ZNF750: variants seen among roughly 807,000 people sequenced by gnomAD.
ZNF750 encodes the protein protein ZNF750.
A neutral mutation model predicts 31.6 loss-of-function variants in ZNF750; 10 were observed. The ratio of observed to expected loss-of-function variants is 0.32; its 90% confidence interval spans 0.19 to 0.54. The LOEUF is 0.54. Among genes scored for constraint, ZNF750 ranks in the 20% least tolerant of loss-of-function variants. The pLI is 0.95. For missense variants in ZNF750, 914 were observed against 934.9 expected, an observed-to-expected ratio of 0.98 and a Z score of 0.29; for synonymous variants, 400 against 404.9, an observed-to-expected ratio of 0.99 and a Z score of 0.15.
At position 82,832,589 on chromosome 17, in the gene ZNF750, T is replaced by C; in HGVS notation, c.-135A>G. On this transcript the variant is annotated 5_prime_UTR_variant, in exon 2 of 3. Transcript: ENST00000269394. The surrounding 1 kb of genome is among the most constrained non-coding windows in gnomAD (Gnocchi z 4.9). ...GATCACTTCTATCAGAAGCCAGCTC[T>C]GCGTGCTGAGGGTCTGGCGAGAGCC... 2.5e-6 allele frequency: 2 copies of C among 800,954 alleles called. No homozygotes were observed. The highest frequency in any genetic ancestry group is 3.0e-5 in the South Asian group (2 of 67,780). 49.6% of individuals were successfully genotyped at this position (800,954 alleles called of 1,614,324 possible). A position where few individuals can be genotyped will look rare whatever the true frequency, so the allele number is the denominator to read the frequency against.
chr17:82,832,019 C>T lies in ZNF750; in HGVS notation c.436G>A (p.Ala146Thr), dbSNP rs760490074. 22 of 1,612,228 alleles carry T rather than the reference C, an allele frequency of 1.4e-5. No individual in the cohort carries two copies. Among genetic ancestry groups the T allele is most frequent in the African/African-American group, 5.3e-5 (4 of 74,880 alleles). Residue 146 changes from alanine to threonine, a missense_variant, in exon 2 of 3, where the codon GCC (alanine) becomes ACC (threonine). Around this residue, in one of 2 missense-constraint regions of ZNF750, gnomAD observed 880 missense variants for 868.9 expected, o/e 1.01. Transcript: ENST00000269394. This position sits in a 1 kb window ranked among gnomAD's most constrained non-coding sequence, Gnocchi z 4.9. ...SPCKSPAPEA[A>T]LGAQPALEGA... The stretch of plus-strand genomic sequence containing the variant: ...TCCAGAGCAGGCTGGGCACCGAGGG[C>T]GGCTTCCGGAGCTGGGCTCTTGCAG...
At position 82,835,180 on chromosome 17, in the gene ZNF750, A is replaced by G. The variant is rs1212726384; in HGVS notation, c.-182-2544T>C. ...CTGTGAGGTTTTATGTGTAGACATC[A>G]GGGTGGCTAAAAGTCAAGTGAAAAG... On this transcript the variant is annotated intron_variant, in intron 1 of 2. Transcript: ENST00000269394. This position sits in a 1 kb window ranked among gnomAD's most constrained non-coding sequence, Gnocchi z 4.5. Among the ~76,000 whole-genome samples the G allele has an allele frequency of 6.6e-6, 1 of 152,152 alleles. No individual in the cohort carries two copies. The highest frequency in any genetic ancestry group is 2.4e-5 in the African/African-American group (1 of 41,414).
At chr17:82,834,388 C>A (rs1334088613) in intron 1 of ZNF750, among the ~76,000 whole-genome samples, 1 of 151,966 alleles carries the variant, frequency 6.6e-6, no homozygotes, top group Non-Finnish European at 1.5e-5. Context: ...CACTTTAATT[C>A]GTATTAAAAA....
rs148428063 is a variant in ZNF750, at chr17:82,831,769, C to T, written c.686G>A (p.Gly229Glu). The T allele has an allele frequency of 4.3e-5, 70 of 1,614,110 alleles. No individual in the cohort carries two copies. In the East Asian group the frequency reaches 1.3e-3, roughly 31 times the overall value. Reference protein sequence around the residue: ...PHKISSTKGLGAISPYMHPTI... With the variant: ...PHKISSTKGLEAISPYMHPTI... ...GGGGTGCATGTAAGGGGAAATGGCC[C>T]CAAGCCCCTTTGTAGATGAGATTTT... Residue 229 changes from glycine to glutamate, a missense_variant, in exon 2 of 3, where the codon GGG becomes GAG. Physicochemically the swap from Gly to Glu is moderately conservative, Grantham distance 98. Coordinates refer to ENST00000269394, the MANE Select transcript of ZNF750 (RefSeq NM_024702.3). This position sits in a 1 kb window ranked among gnomAD's most constrained non-coding sequence, Gnocchi z 4.6.
rs1182862935 is a variant in ZNF750 at position 82,832,171 on chromosome 17, A to T, written c.284T>A (p.Leu95His). The T allele has an allele frequency of 6.2e-7, 1 of 1,614,104 alleles. No individual in the cohort carries two copies. The highest frequency in any genetic ancestry group is 2.2e-5 in the East Asian group (1 of 44,892). The change falls in exon 2 of 3, where the codon CTC becomes CAC. Residue 95 changes from leucine to histidine, a missense_variant. By Grantham distance (99) the Leu-to-His change is moderately conservative. Coordinates refer to ENST00000269394, the MANE Select transcript of ZNF750 (RefSeq NM_024702.3). This position sits in a 1 kb window ranked among gnomAD's most constrained non-coding sequence, Gnocchi z 4.9. Reference sequence around the variant, plus strand: ...CTGAAGCTTCGAGTCGAAGGCAGAGAGTCCATTTGCGACAGACTTGGAAGA... The same window carrying T: ...CTGAAGCTTCGAGTCGAAGGCAGAGTGTCCATTTGCGACAGACTTGGAAGA... ...PASSKSVANG[L>H]SAFDSKLQHS...
In ZNF750 at chr17:82,838,041, G is replaced by A. The variant is rs566228211; in HGVS notation, c.-183+1886C>T. On this transcript the variant is annotated intron_variant, in intron 1 of 2. Coordinates refer to ENST00000269394, the MANE Select transcript of ZNF750 (RefSeq NM_024702.3). ...TTTAAATGTTGTGTGCTCAGCCGATGCACTTGGCTTCTGGAAAGTGCGCTG... is the reference window on the plus strand; with the variant it reads ...TTTAAATGTTGTGTGCTCAGCCGATACACTTGGCTTCTGGAAAGTGCGCTG... Among the ~76,000 whole-genome samples the A allele has an allele frequency of 2.0e-5, 3 of 152,378 alleles. No individual in the cohort carries two copies. The East Asian group carries it at 5.8e-4, about 29-fold the overall frequency.
rs751916189 is a variant in ZNF750 at position 82,830,097 on chromosome 17, CGT to C, written c.*43_*44del. ...TGTTGTAGCTTGCCACCTTGGAAGG[CGT>C]GTGTGTGGCCGTAGCTCTGTGAACA... On this transcript the variant is annotated 3_prime_UTR_variant, in exon 3 of 3. Transcript: ENST00000269394. 44 of 1,611,276 alleles carry C rather than the reference CGT, an allele frequency of 2.7e-5. No individual in the cohort carries two copies. The African/African-American group carries it at 5.1e-4, about 19-fold the overall frequency.
In ZNF750 at chr17:82,832,511, C is replaced by T. The variant is rs1034144438; in HGVS notation, c.-57G>A. ...CAGGTGGCGTGATCACTGTCGACGC[C>T]GCGTGCACTTCGTGGTTTCTAAAGA... On this transcript the variant is annotated 5_prime_UTR_variant, in exon 2 of 3. Coordinates refer to ENST00000269394, the MANE Select transcript of ZNF750 (RefSeq NM_024702.3). The surrounding 1 kb of genome is among the most constrained non-coding windows in gnomAD (Gnocchi z 4.9). 2.2e-5 allele frequency: 34 copies of T among 1,514,792 alleles called. No individual in the cohort carries two copies. The East Asian group carries it at 2.9e-4, about 13-fold the overall frequency. 93.8% of individuals were successfully genotyped at this position (1,514,792 alleles called of 1,614,324 possible).
Position 82,832,997 on chromosome 17 carries a change from G to A in ZNF750, c.-182-361C>T, listed in dbSNP as rs905845725. On this transcript the variant is annotated intron_variant, in intron 1 of 2. Transcript: ENST00000269394. This position sits in a 1 kb window ranked among gnomAD's most constrained non-coding sequence, Gnocchi z 4.9. ...CTGGACCTTTCCTCGAAAGCGCCCT[G>A]CCGGGGGCTGAGGACACCGAGCCCC... 3.9e-5 allele frequency among the ~76,000 whole-genome samples: 6 copies of A among 152,152 alleles called. 1 individual carries two copies. The highest frequency in any genetic ancestry group is 2.0e-4 in the Admixed American group (3 of 15,292).
rs1567850900 is a variant in ZNF750 at position 82,830,638 on chromosome 17, CA to C, written c.1675del (p.Cys559ValfsTer112). ...GGCAGGCCTCGGAGCCTGGGTGTTA[CA>C]GGGGTCCTTCACCGAGAGATTGAGT... Reference protein sequence around the residue: ...LPLNLSVKDPCNTQAPRPAFP... With the variant: ...LPLNLSVKDPXNTQAPRPAFP... On this transcript the variant is annotated frameshift_variant, in exon 3 of 3. Coordinates refer to ENST00000269394, the MANE Select transcript of ZNF750 (RefSeq NM_024702.3). LOFTEE classifies it low-confidence loss of function (END_TRUNC). The C allele has an allele frequency of 1.9e-6, 3 of 1,614,020 alleles. No individual in the cohort carries two copies. The highest frequency in any genetic ancestry group is 1.7e-6 in the Non-Finnish European group (2 of 1,179,936).
Position 82,830,154 on chromosome 17 carries a change from G to C in ZNF750, c.2160C>G (p.Ala720=). The C allele has an allele frequency of 1.2e-6, 2 of 1,613,846 alleles. No homozygotes were observed. The highest frequency in any genetic ancestry group is 8.5e-7 in the Non-Finnish European group (1 of 1,180,032). Reference sequence around the variant, plus strand: ...TGTGAACCCGGCGTTAGGACACCCGGGCCCTCCTTCGTAGTGTGAACACTC... The same window carrying C: ...TGTGAACCCGGCGTTAGGACACCCGCGCCCTCCTTCGTAGTGTGAACACTC... The part of the protein sequence containing the change: ...TARVFTLRRR[A]RVS Residue 720 remains alanine (A), a synonymous_variant, in exon 3 of 3, where the codon GCC becomes GCG. Transcript: ENST00000269394.
Position 82,836,446 on chromosome 17 carries a change from C to T in ZNF750, c.-183+3481G>A, listed in dbSNP as rs143589467. Among the ~76,000 whole-genome samples the T allele has an allele frequency of 1.1e-3, 166 of 152,366 alleles. 1 individual carries two copies. Among genetic ancestry groups the T allele is most frequent in the African/African-American group, 3.7e-3 (155 of 41,592 alleles). On this transcript the variant is annotated intron_variant, in intron 1 of 2. Transcript: ENST00000269394. Reference sequence around the variant, plus strand: ...GTTCATCAAGTGAGAGCTGCGTCCTCGCGAGACCGAAACGCCGCCTCTAGC... The same window carrying T: ...GTTCATCAAGTGAGAGCTGCGTCCTTGCGAGACCGAAACGCCGCCTCTAGC...
Position 82,829,995 on chromosome 17 carries a change from TTTTG to T in ZNF750, c.*143_*146del, listed in dbSNP as rs142352768. On this transcript the variant is annotated 3_prime_UTR_variant, in exon 3 of 3. Coordinates refer to ENST00000269394, the MANE Select transcript of ZNF750 (RefSeq NM_024702.3). ...TTTATAAAAACTGAATTGGAGGGTT[TTTTG>T]TTTGTTTGTTTGTTTGTTTTTTTGA... 0.46 allele frequency: 574,323 copies of T among 1,235,914 alleles called. 140,998 individuals carry two copies. Among genetic ancestry groups the T allele is most frequent in the South Asian group, 0.62 (44,057 of 70,842 alleles). The allele number at this position is 1,235,914 out of a possible 1,614,324, so 76.6% of individuals were successfully genotyped here. A position where few individuals can be genotyped will look rare whatever the true frequency, so the allele number is the denominator to read the frequency against.
At chr17:82,836,279 G>A (rs1259347107) in intron 1 of ZNF750, among the ~76,000 whole-genome samples, 54 of 152,182 alleles carry the variant, frequency 3.5e-4, no homozygotes, top group Admixed American at 3.5e-3. Context: ...GCCTCGCCGC[G>A]CTCCCTGGTT....
intron 1 of ZNF750, among the ~76,000 whole-genome samples, chr17:82,834,048 G>A (rs1193295440): frequency 6.6e-6 from 1 of 152,058 alleles, no homozygotes; most frequent in East Asian, 1.9e-4. Context: ...GGGTTCAAGC[G>A]ATTCTCCTGC....
chr17:82,836,933 C>G (rs1480018543), intron 1 of ZNF750, among the ~76,000 whole-genome samples: 2 of 151,988 alleles, frequency 1.3e-5, no homozygotes, highest in African/African-American at 2.4e-5. Flanking sequence ...GGAGGAAGCC[C>G]CTGGTGGTGA....
rs140298019 is a variant in ZNF750 at position 82,830,297 on chromosome 17, T to C, written c.2017A>G (p.Met673Val). 186 of 1,614,238 alleles carry C rather than the reference T, an allele frequency of 1.2e-4. 1 individual carries two copies. In the Middle Eastern group the frequency reaches 2.1e-3, roughly 19 times the overall value. ...CRQDTPTLSS[M>V]ESQEAQCDLR... is the part of the protein sequence containing the mutation. ...TCACACTGGGCCTCTTGGCTCTCCA[T>C]GGAGCTCAGTGTGGGTGTGTCTTGC... Residue 673 changes from methionine (M) to valine (V), a missense_variant, in exon 3 of 3, where the codon ATG (methionine) becomes GTG (valine). By Grantham distance (21) the Met-to-Val change is conservative. Around this residue, in one of 2 missense-constraint regions of ZNF750, gnomAD observed 880 missense variants for 868.9 expected, o/e 1.01. Transcript: ENST00000269394.
In ZNF750 at chr17:82,830,372, T is replaced by C; in HGVS notation, c.1942A>G (p.Asn648Asp). The C allele has an allele frequency of 6.2e-7, 1 of 1,613,082 alleles. No individual in the cohort carries two copies. The highest frequency in any genetic ancestry group is 8.5e-7 in the Non-Finnish European group (1 of 1,180,032). ...LCQLAAYSPR[N>D]IRVGDGDAAA... is the part of the protein sequence containing the mutation. ...GCATCCCCATCGCCCACCCGGATGT[T>C]CCTGGGGCTGTAGGCCGCCAGCTGG... is the stretch of plus-strand genomic sequence containing the variant. Residue 648 changes from asparagine to aspartate, a missense_variant, in exon 3 of 3, where the codon AAC (asparagine) becomes GAC (aspartate). Asn to Asp is a conservative substitution (Grantham distance 23). Around this residue, in one of 2 missense-constraint regions of ZNF750, gnomAD observed 880 missense variants for 868.9 expected, o/e 1.01. Transcript: ENST00000269394.
In ZNF750 at chr17:82,832,608, G is replaced by A. The variant is rs911582021; in HGVS notation, c.-154C>T. The A allele has an allele frequency of 1.4e-5, 10 of 707,030 alleles. No individual in the cohort carries two copies. The highest frequency in any genetic ancestry group is 9.8e-6 in the Non-Finnish European group (4 of 408,608). The allele number at this position is 707,030 out of a possible 1,614,324, so 43.8% of individuals were successfully genotyped here. On this transcript the variant is annotated 5_prime_UTR_variant, in exon 2 of 3. Coordinates refer to ENST00000269394, the MANE Select transcript of ZNF750 (RefSeq NM_024702.3). This position sits in a 1 kb window ranked among gnomAD's most constrained non-coding sequence, Gnocchi z 4.9. ...CAGCTCTGCGTGCTGAGGGTCTGGC[G>A]AGAGCCTCCGTCATCTGGCGGCTGG...
Sources: gnomAD v4.1 joint callset for allele counts (sites outside exome capture counted in the v4.1 genomes callset) on GRCh38, gnomAD v4.1.1 for gene constraint, gnomAD v4.1.1 regional missense constraint, Gnocchi (gnomAD v3.1) non-coding constraint, MANE v1.5 for transcripts, NCBI Gene and HGNC (gene_info 2026-07-23, HGNC 2026-07-21) for gene names.